Variants in TREX1 observed in about 807,000 individuals in gnomAD.
TREX1 encodes three prime repair exonuclease 1.
A neutral mutation model predicts 13.7 loss-of-function variants in TREX1; 11 were observed. The ratio of observed to expected loss-of-function variants is 0.80; its 90% confidence interval spans 0.51 to 1.33. TREX1 has a LOEUF of 1.33. Among genes scored for constraint, TREX1 ranks in the 40% most tolerant of loss-of-function variants. The pLI is 0.00. For missense variants in TREX1, 409 were observed against 404.4 expected (o/e 1.01, Z -0.10); for synonymous variants, 178 against 178.8 (o/e 1.00, Z 0.03).
At chr3:48,466,155 G>A (rs1008387400), upstream of TREX1, 3 of 473,382 alleles carry the variant, frequency 6.3e-6, no homozygotes, top group African/African-American at 5.9e-5. Flanking sequence ...GTGGTGAGAG[G>A]GACAGACCAG....
rs1479030388 is a variant in TREX1 at position 48,467,185 on chromosome 3, A to G, written c.530A>G (p.Tyr177Cys). 1.1e-5 allele frequency: 17 copies of G among 1,613,774 alleles called. No homozygotes were observed. The highest frequency in any genetic ancestry group is 5.0e-5 in the Admixed American group (3 of 59,990). Reference sequence around the variant, plus strand: ...TCAGAACACGGCCCAAGGAAGAGCTATAGCCTAGGCAGCATCTACACTCGC... The same window carrying G: ...TCAGAACACGGCCCAAGGAAGAGCTGTAGCCTAGGCAGCATCTACACTCGC... ...SPSEHGPRKS[Y>C]SLGSIYTRLY... Residue 177 changes from tyrosine (Y) to cysteine (C), a missense_variant, in exon 2 of 2, where the codon TAT (tyrosine) becomes TGT (cysteine). Transcript: ENST00000625293.
chr3:48,465,907 A>G (rs1456953704), upstream of TREX1: 1 of 298,638 alleles, frequency 3.3e-6, no homozygotes, highest in African/African-American at 2.2e-5. Flanking sequence ...CCAGGCCTAA[A>G]CCAGGAAAGC....
chr3:48,467,368 C>G lies in TREX1; in HGVS notation c.713C>G (p.Ser238Cys). 6.2e-7 allele frequency: 1 copy of G among 1,614,182 alleles called. No individual in the cohort carries two copies. Among genetic ancestry groups the G allele is most frequent in the Non-Finnish European group, 8.5e-7 (1 of 1,180,038 alleles). ...AGGCCCATGTATGGGGTCACAGCCT[C>G]TGCTAGGACCAAGCCAAGACCATCT... is the stretch of plus-strand genomic sequence containing the variant. ...TIRPMYGVTA[S>C]ARTKPRPSAV... is the part of the protein sequence containing the mutation. The change falls in exon 2 of 2, where the codon TCT (serine) becomes TGT (cysteine). Residue 238 changes from serine (S) to cysteine (C), a missense_variant. Ser to Cys is a moderately radical substitution (Grantham distance 112). Transcript: ENST00000625293.
Position 48,466,329 on chromosome 3 carries a change from T to C in TREX1, c.-27+20T>C. On this transcript the variant is annotated intron_variant, in intron 1 of 1. Coordinates refer to ENST00000625293, the MANE Select transcript of TREX1 (RefSeq NM_033629.6). Reference sequence around the variant, plus strand: ...GCTACGGTGAGTGTGGCCCCCACAATGGGATGGCGCAGGGCAGGAGGGCCA... The same window carrying C: ...GCTACGGTGAGTGTGGCCCCCACAACGGGATGGCGCAGGGCAGGAGGGCCA... 2 of 908,852 alleles carry C rather than the reference T, an allele frequency of 2.2e-6. No homozygotes were observed. The highest frequency in any genetic ancestry group is 3.5e-6 in the Non-Finnish European group (2 of 570,002). The allele number at this position is 908,852 out of a possible 1,614,324, so 56.3% of individuals were successfully genotyped here. A position where few individuals can be genotyped will look rare whatever the true frequency, so the allele number is the denominator to read the frequency against.
intron 1 of TREX1, 135 bp downstream of exon 1, chr3:48,466,444 G>A: frequency 6.2e-7 from 1 of 1,613,054 alleles, no homozygotes; most frequent in Non-Finnish European, 8.5e-7. Flanking sequence ...GAATGTGCTG[G>A]TCCCACTAAG....
Position 48,466,984 on chromosome 3 carries a change from C to G in TREX1, c.329C>G (p.Ala110Gly), listed in dbSNP as rs939579849. Residue 110 changes from alanine (A) to glycine (G), a missense_variant, in exon 2 of 2, where the codon GCC becomes GGC. Transcript: ENST00000625293. ...FDDNLANLLL[A>G]FLRRQPQPWC... ...GACAACCTGGCCAACCTGCTCCTAGCCTTCCTGCGGCGCCAGCCACAGCCC... is the reference window on the plus strand; with the variant it reads ...GACAACCTGGCCAACCTGCTCCTAGGCTTCCTGCGGCGCCAGCCACAGCCC... 2 of 1,613,110 alleles carry G rather than the reference C, an allele frequency of 1.2e-6. No individual in the cohort carries two copies. The highest frequency in any genetic ancestry group is 2.7e-5 in the African/African-American group (2 of 74,946).
Position 48,467,086 on chromosome 3 carries a change from C to G in TREX1, c.431C>G (p.Thr144Ser). 1 of 1,614,014 alleles carries G rather than the reference C, an allele frequency of 6.2e-7. No individual in the cohort carries two copies. Among genetic ancestry groups the G allele is most frequent in the Non-Finnish European group, 8.5e-7 (1 of 1,180,042 alleles). Residue 144 changes from threonine (T) to serine (S), a missense_variant, in exon 2 of 2, where the codon ACC becomes AGC. Physicochemically the swap from Thr to Ser is moderately conservative, Grantham distance 58. Coordinates refer to ENST00000625293, the MANE Select transcript of TREX1 (RefSeq NM_033629.6). ...GCAGAGCTGGCTATGCTGGGCCTCACCAGTGCTCTGGATGGTGCCTTCTGT... is the reference window on the plus strand; with the variant it reads ...GCAGAGCTGGCTATGCTGGGCCTCAGCAGTGCTCTGGATGGTGCCTTCTGT... ...LQAELAMLGL[T>S]SALDGAFCVD...
At position 48,466,994 on chromosome 3, in the gene TREX1, G is replaced by A. The variant is rs56400532; in HGVS notation, c.339G>A (p.Arg113=). ...NLANLLLAFL[R]RQPQPWCLVA... ...CCAACCTGCTCCTAGCCTTCCTGCG[G>A]CGCCAGCCACAGCCCTGGTGCCTGG... The change falls in exon 2 of 2, where the codon CGG becomes CGA. Residue 113 remains arginine (R), a synonymous_variant. Coordinates refer to ENST00000625293, the MANE Select transcript of TREX1 (RefSeq NM_033629.6). 1.4e-4 allele frequency: 231 copies of A among 1,613,360 alleles called. No homozygotes were observed. Among genetic ancestry groups the A allele is most frequent in the Non-Finnish European group, 1.3e-4 (151 of 1,180,046 alleles).
In TREX1 at chr3:48,466,304, G is replaced by A. The variant is rs995254335; in HGVS notation, c.-32G>A. On this transcript the variant is annotated 5_prime_UTR_variant, in exon 1 of 2. Transcript: ENST00000625293. ...GTCACTACTGCCTGCCTGCCTGCCTGCTACGGTGAGTGTGGCCCCCACAAT... is the reference window on the plus strand; with the variant it reads ...GTCACTACTGCCTGCCTGCCTGCCTACTACGGTGAGTGTGGCCCCCACAAT... 2.7e-6 allele frequency: 2 copies of A among 737,774 alleles called. No individual in the cohort carries two copies. Among genetic ancestry groups the A allele is most frequent in the Admixed American group, 2.2e-5 (1 of 45,740 alleles). 45.7% of individuals were successfully genotyped at this position (737,774 alleles called of 1,614,324 possible).
rs79318303 is a variant in TREX1 at position 48,467,513 on chromosome 3, GCTGCTGGCCCCACTGGGT to G, written c.868_885del (p.Pro290_Ala295del). 142 of 1,613,926 alleles carry G rather than the reference GCTGCTGGCCCCACTGGGT, an allele frequency of 8.8e-5. No homozygotes were observed. The highest frequency in any genetic ancestry group is 2.7e-4 in the South Asian group (25 of 91,096). ...ACCCTGGAGCCCTATCCAGGGAGGG[GCTGCTGGCCCCACTGGGT>G]CTGCTGGCCATCCTGACCTTGGCAG... is the stretch of plus-strand genomic sequence containing the variant. On this transcript the variant is annotated inframe_deletion, in exon 2 of 2. Coordinates refer to ENST00000625293, the MANE Select transcript of TREX1 (RefSeq NM_033629.6).
At chr3:48,465,891 C>G (rs2040273166), upstream of TREX1, 1 of 315,808 alleles carries the variant, frequency 3.2e-6, no homozygotes, top group Non-Finnish European at 6.1e-6. Context: ...GGAGGTGGCT[C>G]TTGGCCCAGG....
At chr3:48,466,192 G>A, upstream of TREX1, 3 of 536,256 alleles carry the variant, frequency 5.6e-6, no homozygotes, top group Non-Finnish European at 1.0e-5. Flanking sequence ...GGCGGGCCTG[G>A]CTCACGTGGG....
At chr3:48,466,104 TC>T, upstream of TREX1, 2 of 382,742 alleles carry the variant, frequency 5.2e-6, no homozygotes, top group Admixed American at 3.8e-5. Flanking sequence ...GCCTCTGGGG[TC>T]CCCCGGGAGC....
Position 48,467,169 on chromosome 3 carries a change from G to C in TREX1, c.514G>C (p.Gly172Arg). Residue 172 changes from glycine (G) to arginine (R), a missense_variant, in exon 2 of 2, where the codon GGC becomes CGC. Gly to Arg is a moderately radical substitution (Grantham distance 125, BLOSUM62 -2). Transcript: ENST00000625293. ...GCGAGCAAGCAGCCCCTCAGAACAC[G>C]GCCCAAGGAAGAGCTATAGCCTAGG... ...LERASSPSEH[G>R]PRKSYSLGSI... 1 of 1,613,994 alleles carries C rather than the reference G, an allele frequency of 6.2e-7. No individual in the cohort carries two copies. The highest frequency in any genetic ancestry group is 1.3e-5 in the African/African-American group (1 of 75,038).
Position 48,467,624 on chromosome 3 carries a change from T to C in TREX1, c.*24T>C. 1 of 1,604,218 alleles carries C rather than the reference T, an allele frequency of 6.2e-7. No individual in the cohort carries two copies. The highest frequency in any genetic ancestry group is 8.5e-7 in the Non-Finnish European group (1 of 1,174,970). The stretch of plus-strand genomic sequence containing the variant: ...AGGCCAAGAAGGAAAATCTGACGAA[T>C]AAAGACCCCCGCTGCCCCATAGCAC... On this transcript the variant is annotated 3_prime_UTR_variant, in exon 2 of 2. Transcript: ENST00000625293.
At chr3:48,466,577 C>T in intron 1 of TREX1, 53 bp from the exon 2 acceptor site, 1 of 1,614,006 alleles carries the variant, frequency 6.2e-7, no homozygotes, top group Non-Finnish European at 8.5e-7. Flanking sequence ...CACTCCCTCC[C>T]CTTCGGATCT....
chr3:48,466,268 T>G lies in TREX1; in HGVS notation c.-68T>G, dbSNP rs3135941. 3 of 618,950 alleles carry G rather than the reference T, an allele frequency of 4.8e-6. No individual in the cohort carries two copies. The highest frequency in any genetic ancestry group is 2.8e-5 in the East Asian group (1 of 35,322). 38.3% of individuals were successfully genotyped at this position (618,950 alleles called of 1,614,324 possible). A position where few individuals can be genotyped will look rare whatever the true frequency, so the allele number is the denominator to read the frequency against. On this transcript the variant is annotated 5_prime_UTR_variant, in exon 1 of 2. Coordinates refer to ENST00000625293, the MANE Select transcript of TREX1 (RefSeq NM_033629.6). The stretch of plus-strand genomic sequence containing the variant: ...GCTGCCAGCGAGAGCCGCGGGAGAG[T>G]GTGCAGCCGAGTCACTACTGCCTGC...
Position 48,466,889 on chromosome 3 carries a change from C to A in TREX1, c.234C>A (p.Ser78Arg). 6.2e-7 allele frequency: 1 copy of A among 1,612,646 alleles called. No homozygotes were observed. Among genetic ancestry groups the A allele is most frequent in the Non-Finnish European group, 8.5e-7 (1 of 1,180,016 alleles). Residue 78 changes from serine (S) to arginine (R), a missense_variant, in exon 2 of 2, where the codon AGC becomes AGA. Ser to Arg is a moderately radical substitution (Grantham distance 110). Transcript: ENST00000625293. ...GTGTGGCTCCGGGGAAGGCCTGCAG[C>A]CCTGCAGCCAGCGAGATCACAGGTC... ...SLCVAPGKAC[S>R]PAASEITGLS...
At position 48,466,979 on chromosome 3, in the gene TREX1, C is replaced by G; in HGVS notation, c.324C>G (p.Leu108=). Residue 108 remains leucine (L), a synonymous_variant, in exon 2 of 2, where the codon CTC becomes CTG. Transcript: ENST00000625293. ...QCFDDNLANL[L]LAFLRRQPQP... ...TTGATGACAACCTGGCCAACCTGCT[C>G]CTAGCCTTCCTGCGGCGCCAGCCAC... The G allele has an allele frequency of 1.9e-6, 3 of 1,612,984 alleles. No homozygotes were observed. Among genetic ancestry groups the G allele is most frequent in the Non-Finnish European group, 2.5e-6 (3 of 1,180,022 alleles).
Sources: gnomAD v4.1 joint callset for allele counts on GRCh38, gnomAD v4.1.1 for gene constraint, MANE v1.5 for transcripts, NCBI Gene and HGNC (gene_info 2026-07-23, HGNC 2026-07-21) for gene names.